Variants in EXOC6 observed in about 807,000 individuals in gnomAD.
EXOC6 encodes the protein SEC15-like 1.
EXOC6 carries 60 observed loss-of-function variants against 112.5 expected under a neutral mutation model. That is an observed-to-expected ratio of 0.53 (90% CI 0.43 to 0.66). EXOC6 has a LOEUF of 0.66. Among genes scored for constraint, EXOC6 ranks in the 30% least tolerant of loss-of-function variants. The pLI is 0.00. For synonymous variants in EXOC6, 295 were observed against 308.0 expected, an observed-to-expected ratio of 0.96 and a Z score of 0.44; for missense variants, 855 against 957.1, an observed-to-expected ratio of 0.89 and a Z score of 1.41.
intron 1 of EXOC6, among the ~76,000 whole-genome samples, chr10:92,828,690 C>G (rs370798593): frequency 9.5e-5 from 10 of 105,202 alleles, no homozygotes; most frequent in African/African-American, 3.2e-4. Context: ...TTTTGTGTGT[C>G]TGTGTGTGTG....
intron 1 of EXOC6, among the ~76,000 whole-genome samples, chr10:92,828,994 G>A (rs1326245834): frequency 6.6e-6 from 1 of 152,098 alleles, no homozygotes. Flanking sequence ...TAACAAAGAG[G>A]AGCCTGTAAA....
At chr10:92,844,074 T>C (rs1846961369), upstream of EXOC6, among the ~76,000 whole-genome samples, 1 of 148,400 alleles carries the variant, frequency 6.7e-6, no homozygotes, top group Non-Finnish European at 1.5e-5. Context: ...TCACTTGAAC[T>C]TGGAGGGCGG....
chr10:92,894,559 G>A (rs1243070178), intron 2 of EXOC6, among the ~76,000 whole-genome samples: 1 of 152,170 alleles, frequency 6.6e-6, no homozygotes, highest in African/African-American at 2.4e-5. Context: ...CAAAAATCCT[G>A]AGTAAATTTG....
At chr10:92,920,897 A>G (rs746508219) in intron 8 of EXOC6, among the ~76,000 whole-genome samples, 2 of 152,174 alleles carry the variant, frequency 1.3e-5, no homozygotes, top group Non-Finnish European at 2.9e-5. Flanking sequence ...TAATTAGTAT[A>G]GCCACTCCAG....
chr10:92,995,971 A>G (rs1843465283), intron 18 of EXOC6, among the ~76,000 whole-genome samples: 1 of 152,122 alleles, frequency 6.6e-6, no homozygotes, highest in South Asian at 2.1e-4. Flanking sequence ...TTGAAAATGT[A>G]TTTATGTTCT....
chr10:92,842,342 G>A (rs1846884964), intron 1 of EXOC6, among the ~76,000 whole-genome samples: 1 of 131,814 alleles, frequency 7.6e-6, no homozygotes, highest in African/African-American at 2.9e-5. Context: ...CTGGGCAACA[G>A]AGCGAGACTC....
intron 5 of EXOC6, among the ~76,000 whole-genome samples, chr10:92,907,260 A>G (rs573890731): frequency 1.3e-5 from 2 of 152,326 alleles, no homozygotes; most frequent in African/African-American, 4.8e-5. Context: ...AAATACCTTT[A>G]GGGAGGTTGT....
intron 18 of EXOC6, among the ~76,000 whole-genome samples, chr10:92,975,394 G>C (rs1175788218): frequency 7.3e-5 from 11 of 151,032 alleles, no homozygotes; most frequent in African/African-American, 2.4e-4. Context: ...GAGAAGTGAG[G>C]AGCCCCTCCG....
chr10:93,054,427 T>C (rs1846453571), intron 20 of EXOC6, among the ~76,000 whole-genome samples: 1 of 152,266 alleles, frequency 6.6e-6, no homozygotes, highest in South Asian at 2.1e-4. Flanking sequence ...GTGTACAATA[T>C]GTATTTCTAT....
chr10:93,010,831 A>T (rs918133766), intron 19 of EXOC6, among the ~76,000 whole-genome samples: 10 of 151,906 alleles, frequency 6.6e-5, no homozygotes, highest in African/African-American at 2.4e-4. Flanking sequence ...TGCCCTATTT[A>T]CTCAAGTAAG....
chr10:92,967,199 A>T (rs1270926141), intron 17 of EXOC6, among the ~76,000 whole-genome samples: 5 of 151,802 alleles, frequency 3.3e-5, no homozygotes, highest in Non-Finnish European at 5.9e-5. Context: ...GCCCTTTGTC[A>T]GATGAGTAGG....
chr10:93,005,318 C>A (rs1041316492), intron 19 of EXOC6, among the ~76,000 whole-genome samples: 6 of 152,114 alleles, frequency 3.9e-5, no homozygotes, highest in African/African-American at 1.4e-4. Context: ...ATAGCTCCCT[C>A]TGAAAGCTAC....
At chr10:92,951,631 G>T (rs1421336594) in intron 14 of EXOC6, among the ~76,000 whole-genome samples, 3 of 152,078 alleles carry the variant, frequency 2.0e-5, no homozygotes, top group Admixed American at 6.5e-5. Flanking sequence ...AGAAAAGAGG[G>T]TTTTTTTAAT....
intron 19 of EXOC6, among the ~76,000 whole-genome samples, chr10:93,000,236 T>G (rs1295572127): frequency 6.6e-6 from 1 of 152,156 alleles, no homozygotes; most frequent in Non-Finnish European, 1.5e-5. Context: ...TAAATTAAAT[T>G]TATTGCTCAA....
intron 5 of EXOC6, among the ~76,000 whole-genome samples, chr10:92,904,521 T>C (rs1297362396): frequency 6.6e-6 from 1 of 152,134 alleles, no homozygotes; most frequent in African/African-American, 2.4e-5. Flanking sequence ...TATCTCATTG[T>C]TATTTTAATT....
At chr10:93,048,031 A>G (rs1160788359) in intron 20 of EXOC6, among the ~76,000 whole-genome samples, 2 of 152,180 alleles carry the variant, frequency 1.3e-5, no homozygotes, top group African/African-American at 4.8e-5. Context: ...GTAATTAGGT[A>G]AAGTACTGCT....
At chr10:92,860,766 A>T (rs898800738) in intron 1 of EXOC6, among the ~76,000 whole-genome samples, 1 of 152,290 alleles carries the variant, frequency 6.6e-6, no homozygotes, top group East Asian at 1.9e-4. Context: ...ATTTATCCAC[A>T]TTGTAGCACA....
intron 13 of EXOC6, among the ~76,000 whole-genome samples, chr10:92,943,340 A>G (rs1347795069): frequency 6.6e-6 from 1 of 152,144 alleles, no homozygotes; most frequent in Non-Finnish European, 1.5e-5. Flanking sequence ...AAGAAGTAGC[A>G]CAACTTAAGC....
In EXOC6 at chr10:93,011,631, G is replaced by T. The variant is rs555174213; in HGVS notation, c.2096-2563G>T. On this transcript the variant is annotated intron_variant, in intron 19 of 21. Transcript: ENST00000260762. ...CACCTTTTATGATTATAATATAAAA[G>T]GCCAACATAAAATAATGTATTTTAC... Among the ~76,000 whole-genome samples the T allele has an allele frequency of 1.4e-3, 217 of 152,074 alleles. 1 individual carries two copies. The highest frequency in any genetic ancestry group is 1.7e-3 in the Non-Finnish European group (116 of 67,996).
Sources: allele counts gnomAD v4.1 joint callset (sites outside exome capture counted in the v4.1 genomes callset), GRCh38; gene constraint gnomAD v4.1.1; transcripts MANE v1.5; gene names NCBI Gene and HGNC (gene_info 2026-07-23, HGNC 2026-07-21).